MAP3K5: variants seen among roughly 807,000 people sequenced by gnomAD.
MAP3K5 encodes mitogen-activated protein kinase kinase kinase 5, also known as ASK-1.
Under a neutral mutation model 158.7 loss-of-function variants are expected in MAP3K5, and 56 were observed. That is an observed-to-expected ratio of 0.35 (90% CI 0.28 to 0.44). The LOEUF (loss-of-function observed/expected upper bound fraction) is 0.44, where lower values mean the gene tolerates loss of function less well. Ranked by LOEUF, MAP3K5 falls within the 20% of genes least tolerant of loss-of-function variation. The pLI is 1.00. For missense variants in MAP3K5, 1,294 were observed against 1,674.8 expected, an observed-to-expected ratio of 0.77 and a Z score of 3.97; for synonymous variants, 579 against 601.7, an observed-to-expected ratio of 0.96 and a Z score of 0.55.
At chr6:136,712,059 T>G (rs1461063328) in intron 2 of MAP3K5, among the ~76,000 whole-genome samples, 1 of 152,182 alleles carries the variant, frequency 6.6e-6, no homozygotes, top group African/African-American at 2.4e-5. Context: ...ATTAATTTCT[T>G]TTCATATTTA....
At chr6:136,743,815 T>C (rs988266504) in intron 1 of MAP3K5, among the ~76,000 whole-genome samples, 2 of 152,072 alleles carry the variant, frequency 1.3e-5, no homozygotes, top group Non-Finnish European at 2.9e-5. Flanking sequence ...AGTGGATAAA[T>C]AAACTGTGGT....
At chr6:136,784,346 C>T (rs941587924) in intron 1 of MAP3K5, among the ~76,000 whole-genome samples, 2 of 152,202 alleles carry the variant, frequency 1.3e-5, no homozygotes, top group South Asian at 2.1e-4. Context: ...TTTTTCCGTC[C>T]GATTTTCTAG....
intron 14 of MAP3K5, chr6:136,629,121 C>A (rs1174677167): frequency 6.6e-6 from 1 of 151,870 alleles, no homozygotes; most frequent in African/African-American, 2.4e-5. Context: ...CTGCTCAGAA[C>A]AATCAAAACT....
intron 7 of MAP3K5, among the ~76,000 whole-genome samples, chr6:136,682,755 C>T (rs1240927525): frequency 6.6e-6 from 1 of 152,140 alleles, no homozygotes; most frequent in Admixed American, 6.5e-5. Flanking sequence ...TTCATATCTT[C>T]CCTTAAGAAT....
Position 136,651,181 on chromosome 6 carries a change from G to A in MAP3K5, c.1681-90C>T, listed in dbSNP as rs1322547283. 6.4e-6 allele frequency: 4 copies of A among 620,334 alleles called. No homozygotes were observed. In the African/African-American group the frequency reaches 7.5e-5, roughly 12 times the overall value. 38.4% of individuals were successfully genotyped at this position (620,334 alleles called of 1,614,324 possible). The stretch of plus-strand genomic sequence containing the variant: ...ATAACACCCCAGCACCAACGTAGAG[G>A]ATTATTGCATGAGCTTCTGAATCTG... On this transcript the variant is annotated intron_variant, in intron 10 of 29. Coordinates refer to ENST00000359015, the MANE Select transcript of MAP3K5 (RefSeq NM_005923.4).
At chr6:136,669,504 A>G in intron 7 of MAP3K5, 109 bp from the exon 8 acceptor site, 1 of 656,882 alleles carries the variant, frequency 1.5e-6, no homozygotes, top group Non-Finnish European at 2.7e-6. Context: ...AAAATATTGC[A>G]CTGGCCTTCA....
intron 1 of MAP3K5, among the ~76,000 whole-genome samples, chr6:136,754,262 GACTCGATAAAAAA>G (rs1349726644): frequency 6.9e-6 from 1 of 144,162 alleles, no homozygotes; most frequent in East Asian, 2.1e-4. Context: ...GACAGAGCAA[GACTCGATAAAAAA>G]AAAAAAGAAA....
chr6:136,789,977 C>A (rs1785003690), intron 1 of MAP3K5, among the ~76,000 whole-genome samples: 1 of 152,062 alleles, frequency 6.6e-6, no homozygotes, highest in African/African-American at 2.4e-5. Context: ...CAGGCGTGAG[C>A]CACCACGCCT....
intron 7 of MAP3K5, among the ~76,000 whole-genome samples, chr6:136,683,705 G>A (rs1780029732): frequency 6.6e-6 from 1 of 152,060 alleles, no homozygotes; most frequent in Non-Finnish European, 1.5e-5. Flanking sequence ...CTGTTTCCAA[G>A]TATTGTGTAA....
chr6:136,684,714 T>A (rs1173008847), intron 7 of MAP3K5, among the ~76,000 whole-genome samples: 2 of 152,184 alleles, frequency 1.3e-5, no homozygotes, highest in East Asian at 3.9e-4. Context: ...GCAGCCCAAG[T>A]TGTCCTCTAA....
At chr6:136,702,325 A>G (rs558800045) in intron 3 of MAP3K5, among the ~76,000 whole-genome samples, 1 of 152,332 alleles carries the variant, frequency 6.6e-6, no homozygotes, top group Admixed American at 6.5e-5. Flanking sequence ...TCAAAAAGAT[A>G]TAATTGCCCA....
At chr6:136,587,167 G>A (rs1305084663) in intron 23 of MAP3K5, among the ~76,000 whole-genome samples, 1 of 152,122 alleles carries the variant, frequency 6.6e-6, no homozygotes, top group Admixed American at 6.6e-5. Flanking sequence ...AGATTAAAAG[G>A]CTTTTCATGG....
At chr6:136,728,246 AG>A (rs1782060074) in intron 1 of MAP3K5, among the ~76,000 whole-genome samples, 1 of 152,156 alleles carries the variant, frequency 6.6e-6, no homozygotes, top group South Asian at 2.1e-4. Context: ...CTTCATAATA[AG>A]GTATCTGTTA....
intron 1 of MAP3K5, among the ~76,000 whole-genome samples, chr6:136,729,726 C>A (rs1004566128): frequency 1.3e-5 from 2 of 152,212 alleles, no homozygotes; most frequent in African/African-American, 2.4e-5. Context: ...ATCTAAGCTT[C>A]GCTTTGGAAA....
At chr6:136,639,514 CT>C (rs139474943) in intron 13 of MAP3K5, 28 bp downstream of exon 13, 1 of 1,309,166 alleles carries the variant, frequency 7.6e-7, no homozygotes, top group East Asian at 2.4e-5. Flanking sequence ...TAAGAAGAAT[CT>C]TTTTCACACA....
chr6:136,759,698 C>T (rs1039886152), intron 1 of MAP3K5, among the ~76,000 whole-genome samples: 1 of 151,220 alleles, frequency 6.6e-6, no homozygotes, highest in Non-Finnish European at 1.5e-5. Flanking sequence ...ATCCCAAACT[C>T]CTGGGCTCAA....
intron 12 of MAP3K5, among the ~76,000 whole-genome samples, chr6:136,641,697 T>C (rs1291423524): frequency 6.6e-6 from 1 of 151,574 alleles, no homozygotes; most frequent in African/African-American, 2.4e-5. Flanking sequence ...TCATTAGTGT[T>C]AGTGACAGGG....
chr6:136,568,502 T>C (rs1054676305), intron 25 of MAP3K5, among the ~76,000 whole-genome samples: 1 of 152,206 alleles, frequency 6.6e-6, no homozygotes, highest in Non-Finnish European at 1.5e-5. Context: ...ACCATTGAAA[T>C]TTAAACCATA....
In MAP3K5 at chr6:136,792,169, G is replaced by A. The variant is rs1165710165; in HGVS notation, c.-12C>T. 4 of 1,539,134 alleles carry A rather than the reference G, an allele frequency of 2.6e-6. No individual in the cohort carries two copies. Among genetic ancestry groups the A allele is most frequent in the Non-Finnish European group, 3.5e-6 (4 of 1,146,164 alleles). On this transcript the variant is annotated 5_prime_UTR_variant, in exon 1 of 30. Coordinates refer to ENST00000359015, the MANE Select transcript of MAP3K5 (RefSeq NM_005923.4). The surrounding 1 kb of genome is among the most constrained non-coding windows in gnomAD (Gnocchi z 5.7). ...GCCTCCGTGCTCATCTCTCCGGGCC[G>A]GGCAGCAACGGCGGCGGCGTCCCCC...
Sources: allele counts gnomAD v4.1 joint callset (sites outside exome capture counted in the v4.1 genomes callset), GRCh38; gene constraint gnomAD v4.1.1; non-coding constraint Gnocchi (gnomAD v3.1); transcripts MANE v1.5; gene names NCBI Gene and HGNC (gene_info 2026-07-23, HGNC 2026-07-21).